SLC6A4: variants seen among roughly 807,000 people sequenced by gnomAD.
SLC6A4 encodes the protein sodium-dependent serotonin transporter.
SLC6A4 carries 22 observed loss-of-function variants against 73.4 expected under a neutral mutation model. The observed-to-expected ratio is 0.30, with a 90% confidence interval of 0.21 to 0.43. The LOEUF is 0.43. Ranked by LOEUF, SLC6A4 falls within the 20% of genes least tolerant of loss-of-function variation. The pLI is 1.00. For missense variants in SLC6A4, 593 were observed against 808.5 expected (o/e 0.73, Z 3.23); for synonymous variants, 270 against 315.5 (o/e 0.86, Z 1.53).
At chr17:30,215,010 T>TTCTTCTTTC (rs1298239581) in intron 8 of SLC6A4, among the ~76,000 whole-genome samples, 14 of 149,560 alleles carry the variant, frequency 9.4e-5, no homozygotes, top group African/African-American at 3.2e-4. Flanking sequence ...CTTTCTTTCT[T>TTCTTCTTTC]TCTTTCTTTC....
rs181140964 is a variant in SLC6A4 at position 30,216,252 on chromosome 17, G to A, written c.838-36C>T. ...GAAGGGTTATCACCATGCTGTTCCAGGGAGGGGAGGGGAGGGGAGGGGAGA... is the reference window on the plus strand; with the variant it reads ...GAAGGGTTATCACCATGCTGTTCCAAGGAGGGGAGGGGAGGGGAGGGGAGA... On this transcript the variant is annotated intron_variant, in intron 6 of 14. Transcript: ENST00000650711. 1.2e-3 allele frequency: 973 copies of A among 832,712 alleles called. 1 individual carries two copies. In the African/African-American group the frequency reaches 0.016, roughly 13 times the overall value. The allele number at this position is 832,712 out of a possible 1,614,324, so 51.6% of individuals were successfully genotyped here. A position where few individuals can be genotyped will look rare whatever the true frequency, so the allele number is the denominator to read the frequency against.
intron 12 of SLC6A4, 114 bp downstream of exon 12, chr17:30,209,029 G>T: frequency 2.9e-6 from 2 of 685,554 alleles, no homozygotes; most frequent in Admixed American, 4.6e-5. Flanking sequence ...CCATCATCGG[G>T]AGGTCACATC....
At chr17:30,226,217 A>G (rs1436171546) in intron 1 of SLC6A4, among the ~76,000 whole-genome samples, 1 of 152,258 alleles carries the variant, frequency 6.6e-6, no homozygotes. Flanking sequence ...CAGGTCATAG[A>G]GCCAACTGGC....
intron 13 of SLC6A4, among the ~76,000 whole-genome samples, chr17:30,204,089 T>C (rs181224359): frequency 6.6e-6 from 1 of 152,262 alleles, no homozygotes; most frequent in Non-Finnish European, 1.5e-5. Flanking sequence ...TTGAACACTC[T>C]GTGAGAATTT....
At chr17:30,201,174 C>T (rs923164554) in intron 14 of SLC6A4, among the ~76,000 whole-genome samples, 12 of 152,096 alleles carry the variant, frequency 7.9e-5, no homozygotes, top group African/African-American at 2.9e-4. Context: ...CTGTGACAGC[C>T]CCTGGAACAC....
rs2036146351 is a variant in SLC6A4 at position 30,212,591 on chromosome 17, C to T, written c.1204+149G>A. ...TAGAGGCAGGGTCTCACTATGTTGC[C>T]CAGGCTGGTCTTGAACTCCACCATG... On this transcript the variant is annotated intron_variant, in intron 9 of 14. Coordinates refer to ENST00000650711, the MANE Select transcript of SLC6A4 (RefSeq NM_001045.6). 6.4e-6 allele frequency: 5 copies of T among 785,876 alleles called. No individual in the cohort carries two copies. In the South Asian group the frequency reaches 6.8e-5, roughly 11 times the overall value. 48.7% of individuals were successfully genotyped at this position (785,876 alleles called of 1,614,324 possible). A position where few individuals can be genotyped will look rare whatever the true frequency, so the allele number is the denominator to read the frequency against.
intron 11 of SLC6A4, among the ~76,000 whole-genome samples, chr17:30,209,520 G>A (rs748492998): frequency 2.0e-5 from 3 of 151,964 alleles, no homozygotes; most frequent in East Asian, 1.9e-4. Context: ...GGTGGCACAC[G>A]CCTTTAATCC....
At chr17:30,225,405 T>A (rs1906897112) in intron 1 of SLC6A4, among the ~76,000 whole-genome samples, 1 of 152,166 alleles carries the variant, frequency 6.6e-6, no homozygotes, top group Non-Finnish European at 1.5e-5. Flanking sequence ...CTGGCTGGCT[T>A]TTTCTATCAA....
At position 30,218,886 on chromosome 17, in the gene SLC6A4, A is replaced by G; in HGVS notation, c.389T>C (p.Ile130Thr). 2 of 1,614,074 alleles carry G rather than the reference A, an allele frequency of 1.2e-6. No individual in the cohort carries two copies. Among genetic ancestry groups the G allele is most frequent in the Non-Finnish European group, 1.7e-6 (2 of 1,179,992 alleles). ...PYTIMAIFGG[I>T]PLFYMELALG... The stretch of plus-strand genomic sequence containing the variant: ...TGCGAGCTCCATGTAAAAGAGCGGG[A>G]TTCCCCCAAAAATGGCCATGATGGT... The change falls in exon 4 of 15, where the codon ATC becomes ACC. Residue 130 changes from isoleucine (I) to threonine (T), a missense_variant. Transcript: ENST00000650711.
chr17:30,206,716 T>TC lies in SLC6A4; in HGVS notation c.1650+1015_1650+1016insG, dbSNP rs1555587270. Among the ~76,000 whole-genome samples, 335 of 127,688 alleles carry TC rather than the reference T, an allele frequency of 2.6e-3. 1 individual carries two copies. The highest frequency in any genetic ancestry group is 9.3e-3 in the African/African-American group (307 of 33,052). The allele number at this position is 127,688 out of a possible 152,430, so 83.8% of individuals were successfully genotyped here. On this transcript the variant is annotated intron_variant, in intron 13 of 14. Transcript: ENST00000650711. The stretch of plus-strand genomic sequence containing the variant: ...TCTCCTTTTTTCTTTTCTTTTCTTT[T>TC]TTTTTTTTTTTTTTTTTTTTGAGAC...
At position 30,221,701 on chromosome 17, in the gene SLC6A4, C is replaced by T. The variant is rs1413199758; in HGVS notation, c.258G>A (p.Val86=). 6.2e-7 allele frequency: 1 copy of T among 1,614,174 alleles called. No homozygotes were observed. Residue 86 remains valine (V), a synonymous_variant, in exon 3 of 15, where the codon GTG becomes GTA. Coordinates refer to ENST00000650711, the MANE Select transcript of SLC6A4 (RefSeq NM_001045.6). ...QGERETWGKK[V]DFLLSVIGYA... ...AGCCAATCACTGAGAGAAGGAAATCCACCTTCTTGCCCCAGGTCTCCCGTT... is the reference window on the plus strand; with the variant it reads ...AGCCAATCACTGAGAGAAGGAAATCTACCTTCTTGCCCCAGGTCTCCCGTT...
chr17:30,204,474 T>A (rs113009053), intron 13 of SLC6A4: 3 of 151,990 alleles, frequency 2.0e-5, no homozygotes, highest in Admixed American at 2.0e-4. Flanking sequence ...AGAAAGATGG[T>A]TTGGGAACAG....
chr17:30,204,092 G>A (rs1287665092), intron 13 of SLC6A4, among the ~76,000 whole-genome samples: 1 of 152,236 alleles, frequency 6.6e-6, no homozygotes, highest in East Asian at 1.9e-4. Context: ...AACACTCTGT[G>A]AGAATTTTGA....
Position 30,218,059 on chromosome 17 carries a change from CA to C in SLC6A4, c.698+58del. 3 of 1,443,078 alleles carry C rather than the reference CA, an allele frequency of 2.1e-6. No homozygotes were observed. The South Asian group carries it at 3.5e-5, about 17-fold the overall frequency. 89.4% of individuals were successfully genotyped at this position (1,443,078 alleles called of 1,614,324 possible). ...GGCCCTGGCCTTCTTTTTAAGAAGC[CA>C]AACCCCAGGGGTGTGGCCTGCCCCT... On this transcript the variant is annotated intron_variant, in intron 5 of 14. Coordinates refer to ENST00000650711, the MANE Select transcript of SLC6A4 (RefSeq NM_001045.6).
intron 3 of SLC6A4, among the ~76,000 whole-genome samples, chr17:30,220,440 T>C (rs1906710875): frequency 6.6e-6 from 1 of 152,118 alleles, no homozygotes; most frequent in African/African-American, 2.4e-5. Context: ...ACAAGTTAAC[T>C]ACTTGAGAGG....
Position 30,196,507 on chromosome 17 carries a change from G to C in SLC6A4, c.*1949C>G, listed in dbSNP as rs1319361341. 6.6e-6 allele frequency: 1 copy of C among 152,288 alleles called. No homozygotes were observed. The highest frequency in any genetic ancestry group is 1.5e-5 in the Non-Finnish European group (1 of 68,032). The allele number at this position is 152,288 out of a possible 1,614,324, so 9.4% of individuals were successfully genotyped here. ...ATATTTGAACAATGTCTAAGTATGT[G>C]GGGTGGGGAGAATCCATATCCGAAT... On this transcript the variant is annotated 3_prime_UTR_variant, in exon 15 of 15. Transcript: ENST00000650711.
intron 3 of SLC6A4, among the ~76,000 whole-genome samples, chr17:30,220,362 C>T (rs1025187864): frequency 6.6e-6 from 1 of 152,148 alleles, no homozygotes; most frequent in Non-Finnish European, 1.5e-5. Context: ...TTCACTTTTC[C>T]CCACTGCTCT....
intron 8 of SLC6A4, among the ~76,000 whole-genome samples, chr17:30,213,193 G>C (rs1749789952): frequency 6.6e-6 from 1 of 152,182 alleles, no homozygotes; most frequent in South Asian, 2.1e-4. Context: ...GGTTGGAGTG[G>C]GGGCCAGGAC....
chr17:30,200,644 T>C (rs931349219), intron 14 of SLC6A4, among the ~76,000 whole-genome samples: 1 of 152,236 alleles, frequency 6.6e-6, no homozygotes, highest in Non-Finnish European at 1.5e-5. Flanking sequence ...AAGTCTGGTA[T>C]TCATAAAGAA....
Sources: gnomAD v4.1 joint callset for allele counts (sites outside exome capture counted in the v4.1 genomes callset) on GRCh38, gnomAD v4.1.1 for gene constraint, MANE v1.5 for transcripts, NCBI Gene and HGNC (gene_info 2026-07-23, HGNC 2026-07-21) for gene names.